SNTG1: variants seen among roughly 807,000 people sequenced by gnomAD.
The protein encoded by SNTG1 is syntrophin gamma 1.
A neutral mutation model predicts 74.7 loss-of-function variants in SNTG1; 39 were observed. The ratio of observed to expected loss-of-function variants is 0.52; its 90% CI spans 0.40 to 0.68. The LOEUF is 0.68. SNTG1 is among the 30% of genes least tolerant of loss of function. SNTG1 has a pLI of 0.00. For synonymous variants in SNTG1, 254 were observed against 217.1 expected (o/e 1.17, Z -1.49); for missense variants, 685 against 609.5 (o/e 1.12, Z -1.30).
At chr8:50,353,599 T>G (rs978775557) in intron 2 of SNTG1, among the ~76,000 whole-genome samples, 15 of 152,184 alleles carry the variant, frequency 9.9e-5, no homozygotes, top group African/African-American at 3.6e-4. Flanking sequence ...AGTTTGGGCT[T>G]TGCTCCATAC....
chr8:50,655,687 T>C (rs916986490), intron 13 of SNTG1, among the ~76,000 whole-genome samples: 1 of 152,192 alleles, frequency 6.6e-6, no homozygotes, highest in Non-Finnish European at 1.5e-5. Context: ...ACATAATTAA[T>C]GGAAAGAAGA....
intron 1 of SNTG1, among the ~76,000 whole-genome samples, chr8:49,991,107 A>T (rs1408428748): frequency 6.6e-6 from 1 of 152,158 alleles, no homozygotes; most frequent in Admixed American, 6.5e-5. Context: ...AAAAGACAAT[A>T]ATTTAACTTA....
intron 2 of SNTG1, among the ~76,000 whole-genome samples, chr8:50,268,859 A>G (rs4873445): frequency 6.6e-6 from 1 of 151,866 alleles, no homozygotes; most frequent in African/African-American, 2.4e-5. Flanking sequence ...AGGTTTTGCT[A>G]TGTCACCCTG....
At position 50,655,419 on chromosome 8, in the gene SNTG1, T is replaced by A. The variant is rs146508003; in HGVS notation, c.850-1490T>A. ...ATAGCTGGTTCTTATTATGTTATTA[T>A]TAACCAGTGAAGTCTCTATGTAATG... On this transcript the variant is annotated intron_variant, in intron 13 of 18. Transcript: ENST00000642720. Among the ~76,000 whole-genome samples the A allele has an allele frequency of 1.6e-3, 238 of 152,314 alleles. 2 individuals are homozygous for A. Among genetic ancestry groups the A allele is most frequent in the Middle Eastern group, 0.01 (3 of 294 alleles).
At chr8:50,624,839 G>A (rs971745802) in intron 13 of SNTG1, among the ~76,000 whole-genome samples, 2 of 152,058 alleles carry the variant, frequency 1.3e-5, no homozygotes, top group Non-Finnish European at 2.9e-5. Flanking sequence ...AGTTCCAACG[G>A]CATTGAGGTT....
intron 2 of SNTG1, among the ~76,000 whole-genome samples, chr8:50,278,855 C>G (rs983905876): frequency 1.8e-4 from 27 of 151,768 alleles, no homozygotes; most frequent in African/African-American, 6.5e-4. Context: ...AAATTCATGT[C>G]TAAGAGAGCA....
In SNTG1 at chr8:50,350,016, C is replaced by T. The variant is rs139917176; in HGVS notation, c.-27-44196C>T. On this transcript the variant is annotated intron_variant, in intron 2 of 18. Coordinates refer to ENST00000642720, the MANE Select transcript of SNTG1 (RefSeq NM_018967.5). ...CTTGGCGGCCCCACACTCAGAGCGG[C>T]CAGCCAGGCCTGCCGGCCGGGCAAT... Among the ~76,000 whole-genome samples the T allele has an allele frequency of 9.2e-3, 1,405 of 152,288 alleles. 27 individuals are homozygous for T. Among genetic ancestry groups the T allele is most frequent in the African/African-American group, 0.032 (1,335 of 41,556 alleles).
intron 2 of SNTG1, among the ~76,000 whole-genome samples, chr8:50,374,875 A>G (rs1374385389): frequency 6.6e-6 from 1 of 152,192 alleles, no homozygotes; most frequent in Non-Finnish European, 1.5e-5. Flanking sequence ...TTTAAGTTGG[A>G]AACTTGTTTT....
At chr8:50,675,030 CTG>C (rs1429447808) in intron 15 of SNTG1, among the ~76,000 whole-genome samples, 2 of 151,966 alleles carry the variant, frequency 1.3e-5, no homozygotes, top group Non-Finnish European at 2.9e-5. Flanking sequence ...GTCTAAGAGA[CTG>C]TTTGTTATGA....
chr8:50,071,359 A>G (rs573136092), intron 1 of SNTG1, among the ~76,000 whole-genome samples: 3 of 152,224 alleles, frequency 2.0e-5, no homozygotes, highest in South Asian at 4.1e-4. Context: ...AATTTTGTTC[A>G]GAGATGGGGT....
chr8:50,706,627 A>G (rs1418978418), intron 16 of SNTG1, among the ~76,000 whole-genome samples: 2 of 152,184 alleles, frequency 1.3e-5, no homozygotes, highest in Non-Finnish European at 2.9e-5. Context: ...ATGCCAGTGT[A>G]AGATAAACAT....
In SNTG1 at chr8:50,794,622, G is replaced by T. The variant is rs894944700; in HGVS notation, c.*1793G>T. 1 of 151,966 alleles carries T rather than the reference G, an allele frequency of 6.6e-6. No homozygotes were observed. Among genetic ancestry groups the T allele is most frequent in the African/African-American group, 2.4e-5 (1 of 41,420 alleles). The allele number at this position is 151,966 out of a possible 1,614,324, so 9.4% of individuals were successfully genotyped here. A position where few individuals can be genotyped will look rare whatever the true frequency, so the allele number is the denominator to read the frequency against. On this transcript the variant is annotated 3_prime_UTR_variant, in exon 19 of 19. Coordinates refer to ENST00000642720, the MANE Select transcript of SNTG1 (RefSeq NM_018967.5). ...CCACCAAAAGCAGCCTTCAGTAGTAGGCCACTTCTGAACTTATGGAGAAAA... is the reference window on the plus strand; with the variant it reads ...CCACCAAAAGCAGCCTTCAGTAGTATGCCACTTCTGAACTTATGGAGAAAA...
chr8:50,163,478 T>C (rs1038650095), intron 1 of SNTG1: 3 of 139,700 alleles, frequency 2.1e-5, no homozygotes, highest in African/African-American at 9.9e-5. Context: ...TTTCTTCTTT[T>C]TTCTTTTTTT....
At chr8:50,344,445 G>T (rs1291041543) in intron 2 of SNTG1, among the ~76,000 whole-genome samples, 1 of 152,086 alleles carries the variant, frequency 6.6e-6, no homozygotes, top group African/African-American at 2.4e-5. Flanking sequence ...CTGTTTTTCA[G>T]GGATTCCACA....
intron 12 of SNTG1, among the ~76,000 whole-genome samples, chr8:50,572,142 T>C (rs2094552212): frequency 1.3e-5 from 2 of 152,102 alleles, no homozygotes; most frequent in African/African-American, 4.8e-5. Flanking sequence ...GCTAGGTAGG[T>C]ACACCTGCCC....
intron 12 of SNTG1, among the ~76,000 whole-genome samples, chr8:50,556,969 G>A (rs2094459158): frequency 6.6e-6 from 1 of 152,142 alleles, no homozygotes; most frequent in Admixed American, 6.5e-5. Flanking sequence ...AACACACAAA[G>A]ATGTCCCAAC....
chr8:50,594,153 T>C (rs2094711323), intron 13 of SNTG1, among the ~76,000 whole-genome samples: 1 of 152,186 alleles, frequency 6.6e-6, no homozygotes, highest in Non-Finnish European at 1.5e-5. Context: ...TCAAGTGATG[T>C]TGTGATAATT....
rs189422099 is a variant in SNTG1 at position 50,507,465 on chromosome 8, T to C, written c.466+4585T>C. ...AAACCATCTGGTCATGGGCCCTTCG[T>C]ATTTTGTGAGGAATTTATTAATGAT... On this transcript the variant is annotated intron_variant, in intron 9 of 18. Transcript: ENST00000642720. 7.6e-4 allele frequency among the ~76,000 whole-genome samples: 116 copies of C among 152,174 alleles called. 1 individual carries two copies. The highest frequency in any genetic ancestry group is 1.4e-3 in the Non-Finnish European group (93 of 67,984).
intron 1 of SNTG1, among the ~76,000 whole-genome samples, chr8:50,106,515 T>G (rs2080379117): frequency 1.3e-5 from 2 of 152,144 alleles, no homozygotes; most frequent in Non-Finnish European, 2.9e-5. Flanking sequence ...TGACTCCAGC[T>G]TTTGCTCATT....
Sources: allele counts gnomAD v4.1 joint callset (sites outside exome capture counted in the v4.1 genomes callset), GRCh38; gene constraint gnomAD v4.1.1; transcripts MANE v1.5; gene names NCBI Gene and HGNC (gene_info 2026-07-23, HGNC 2026-07-21).